The following TANC2 variants were observed in gnomAD, a reference collection of about 807,000 sequenced individuals.
The protein encoded by TANC2 is tetratricopeptide repeat, ankyrin repeat and coiled-coil containing 2, also known as protein TANC2.
In TANC2, 26 loss-of-function variants were observed where a neutral mutation model predicts 210.5. That is an observed-to-expected ratio of 0.12 (90% CI 0.09 to 0.17). The LOEUF (loss-of-function observed/expected upper bound fraction) is 0.17, where lower values mean the gene tolerates loss of function less well. Among genes scored for constraint, TANC2 ranks in the 10% least tolerant of loss-of-function variants. The pLI is 1.00. For missense variants in TANC2, 2,129 were observed against 2,608.9 expected, an observed-to-expected ratio of 0.82 and a Z score of 4.01; for synonymous variants, 931 against 967.1, an observed-to-expected ratio of 0.96 and a Z score of 0.69.
At chr17:63,354,679 G>A in intron 13 of TANC2, 104 bp from the exon 14 acceptor site, 7 of 1,421,832 alleles carry the variant, frequency 4.9e-6, no homozygotes, top group Non-Finnish European at 6.6e-6. Flanking sequence ...TCCCTGTTTG[G>A]CCACTTCGAA....
intron 5 of TANC2, among the ~76,000 whole-genome samples, chr17:63,176,555 C>G (rs1292309694): frequency 6.6e-6 from 1 of 152,144 alleles, no homozygotes; most frequent in African/African-American, 2.4e-5. Context: ...CCTGTAATCC[C>G]AGCACTTTGG....
At chr17:63,229,653 A>G (rs1267608921) in intron 7 of TANC2, among the ~76,000 whole-genome samples, 1 of 151,842 alleles carries the variant, frequency 6.6e-6, no homozygotes, top group Non-Finnish European at 1.5e-5. Context: ...CAGGGATTCA[A>G]CATCTTCCTG....
intron 9 of TANC2, among the ~76,000 whole-genome samples, chr17:63,300,587 T>C (rs2044680492): frequency 1.3e-5 from 2 of 152,184 alleles, no homozygotes; most frequent in African/African-American, 4.8e-5. Context: ...GCTTGTCTAA[T>C]GTTGGCGTAT....
chr17:63,267,391 T>A (rs1257337614), intron 8 of TANC2, among the ~76,000 whole-genome samples: 1 of 152,178 alleles, frequency 6.6e-6, no homozygotes, highest in East Asian at 1.9e-4. Context: ...ATCTCAAATC[T>A]ACCATTATCT....
intron 8 of TANC2, among the ~76,000 whole-genome samples, chr17:63,261,838 C>T (rs981285396): frequency 6.6e-6 from 1 of 152,148 alleles, no homozygotes; most frequent in African/African-American, 2.4e-5. Flanking sequence ...TGTATTTTAA[C>T]CTAACAAGAT....
chr17:63,209,583 A>C, intron 7 of TANC2, among the ~76,000 whole-genome samples: 1 of 151,916 alleles, frequency 6.6e-6, no homozygotes, highest in East Asian at 1.9e-4. Context: ...ACAGGCACGC[A>C]CCACCATGCC....
At chr17:63,205,372 A>AAAAAAAAC (rs1472135033) in intron 7 of TANC2, among the ~76,000 whole-genome samples, 45 of 131,846 alleles carry the variant, frequency 3.4e-4, no homozygotes, top group African/African-American at 8.4e-4. Context: ...AAAAAAAAAA[A>AAAAAAAAC]CCTCATACAC....
chr17:63,100,703 A>G (rs1282735778), intron 4 of TANC2, among the ~76,000 whole-genome samples: 1 of 152,142 alleles, frequency 6.6e-6, no homozygotes, highest in African/African-American at 2.4e-5. Context: ...TTCTATGTAG[A>G]AGTGAGCTGG....
At chr17:63,203,071 G>A (rs753535729) in intron 7 of TANC2, among the ~76,000 whole-genome samples, 4 of 152,026 alleles carry the variant, frequency 2.6e-5, no homozygotes, top group Non-Finnish European at 4.4e-5. Flanking sequence ...TGGAATTACC[G>A]AGTCATGGGG....
chr17:63,395,783 A>G (rs1276056750), exon 18 of TANC2: 5 of 1,613,656 alleles, frequency 3.1e-6, no homozygotes, highest in Non-Finnish European at 4.2e-6. Flanking sequence ...GCTTTGGTTC[A>G]TGCTGCACTC....
rs2031330281 is a variant in TANC2, at chr17:62,966,349, C to A, written c.-424C>A. Among the ~76,000 whole-genome samples the A allele has an allele frequency of 6.8e-6, 1 of 146,892 alleles. No homozygotes were observed. The highest frequency in any genetic ancestry group is 6.7e-5 in the Admixed American group (1 of 14,824). Reference sequence around the variant, plus strand: ...CCCGCCCGGCGGGGGAAGCTGCGAGCGCTCCGAGCGCCCGGCCTAGGGCCG... The same window carrying A: ...CCCGCCCGGCGGGGGAAGCTGCGAGAGCTCCGAGCGCCCGGCCTAGGGCCG... On this transcript the variant is annotated 5_prime_UTR_variant, in exon 1 of 28. Transcript: ENST00000689528. This position sits in a 1 kb window ranked among gnomAD's most constrained non-coding sequence, Gnocchi z 5.1.
At position 63,110,565 on chromosome 17, in the gene TANC2, A is replaced by AT. The variant is rs574692981; in HGVS notation, c.322+11209dup. Among the ~76,000 whole-genome samples, 43 of 148,204 alleles carry AT rather than the reference A, an allele frequency of 2.9e-4. No homozygotes were observed. The South Asian group carries it at 7.1e-3, about 24-fold the overall frequency. On this transcript the variant is annotated intron_variant, in intron 4 of 27. Coordinates refer to ENST00000689528, the Ensembl canonical transcript of TANC2. ...GTGAGGGCTGCTGTCTGCTTCCAAG[A>AT]TAACACCTTGTTGCTGCATCTTCCA...
At chr17:63,036,235 C>T (rs796411411) in intron 2 of TANC2, among the ~76,000 whole-genome samples, 6 of 151,814 alleles carry the variant, frequency 4.0e-5, no homozygotes, top group African/African-American at 1.4e-4. Flanking sequence ...AAGATTTCTC[C>T]TGTGTTTCTT....
intron 3 of TANC2, chr17:63,088,228 A>G (rs922159516): frequency 6.6e-6 from 1 of 152,130 alleles, no homozygotes; most frequent in Admixed American, 6.5e-5. Context: ...CCTATGTGGT[A>G]TATAGTCATA....
rs149519070 is a variant in TANC2, at chr17:62,975,095, T to C, written c.-24+8346T>C. 2.0e-3 allele frequency among the ~76,000 whole-genome samples: 297 copies of C among 152,294 alleles called. 2 individuals are homozygous for C. The highest frequency in any genetic ancestry group is 5.9e-3 in the Admixed American group (90 of 15,298). On this transcript the variant is annotated intron_variant, in intron 1 of 27. Transcript: ENST00000689528. The stretch of plus-strand genomic sequence containing the variant: ...ATCCAGCCTTATAAGTAGATTATAG[T>C]TATTGAACTTGGAAACGAGAGTGGG...
intron 11 of TANC2, chr17:63,332,035 TC>T: frequency 3.6e-6 from 1 of 277,326 alleles, no homozygotes; most frequent in Non-Finnish European, 7.2e-6. Context: ...GGCTGTTTTT[TC>T]TGAATGATAT....
At chr17:63,217,431 T>C (rs577175550) in intron 7 of TANC2, among the ~76,000 whole-genome samples, 1 of 152,344 alleles carries the variant, frequency 6.6e-6, no homozygotes, top group East Asian at 1.9e-4. Flanking sequence ...ATTTTTTAAA[T>C]TTATTTTTCT....
chr17:63,049,120 CTT>C (rs2035486256), intron 2 of TANC2, among the ~76,000 whole-genome samples: 2 of 152,252 alleles, frequency 1.3e-5, no homozygotes, highest in Non-Finnish European at 2.9e-5. Flanking sequence ...CCTTCTTTCT[CTT>C]GTTTTACTTA....
At chr17:63,229,228 G>A (rs965996716) in intron 7 of TANC2, among the ~76,000 whole-genome samples, 21 of 152,136 alleles carry the variant, frequency 1.4e-4, no homozygotes, top group African/African-American at 4.1e-4. Flanking sequence ...GATGAATTAC[G>A]TTTATGGATT....
Sources: gnomAD v4.1 joint callset for allele counts (sites outside exome capture counted in the v4.1 genomes callset) on GRCh38, gnomAD v4.1.1 for gene constraint, Gnocchi (gnomAD v3.1) non-coding constraint, MANE v1.5 for transcripts, NCBI Gene and HGNC (gene_info 2026-07-23, HGNC 2026-07-21) for gene names.